Variants in ZNF175 observed in about 807,000 individuals in gnomAD.
ZNF175 encodes zinc finger protein OTK18.
A neutral mutation model predicts 14.0 loss-of-function variants in ZNF175; 8 were observed. The ratio of observed to expected loss-of-function variants is 0.57; its 90% CI spans 0.34 to 1.03. ZNF175 has a LOEUF of 1.03. Among genes scored for constraint, ZNF175 ranks in the 50% least tolerant of loss-of-function variants. The pLI is 0.03. For missense variants in ZNF175, 764 were observed against 849.5 expected (o/e 0.90, Z 1.25); for synonymous variants, 255 against 296.8 (o/e 0.86, Z 1.45).
Position 51,592,297 on chromosome 19 carries a change from T to G in ZNF175, c.*3830T>G. On this transcript the variant is annotated 3_prime_UTR_variant, in exon 5 of 5. Coordinates refer to ENST00000262259, the MANE Select transcript of ZNF175 (RefSeq NM_007147.4). ...CTCGCTAGTTTGGTGGCAAGCAACT[T>G]AACCTCTCTGCCTTAATTTCTCCAG... The G allele has an allele frequency of 4.1e-6, 1 of 243,056 alleles. No individual in the cohort carries two copies. The highest frequency in any genetic ancestry group is 7.9e-6 in the Non-Finnish European group (1 of 127,130). 15.1% of individuals were successfully genotyped at this position (243,056 alleles called of 1,614,324 possible).
At chr19:51,575,521 T>A (rs944866570) in intron 2 of ZNF175, among the ~76,000 whole-genome samples, 1 of 152,204 alleles carries the variant, frequency 6.6e-6, no homozygotes, top group African/African-American at 2.4e-5. Context: ...TTTTTGCATA[T>A]GTTTGTAAAT....
At chr19:51,584,493 T>C (rs1982107007) in intron 4 of ZNF175, among the ~76,000 whole-genome samples, 1 of 152,198 alleles carries the variant, frequency 6.6e-6, no homozygotes, top group Non-Finnish European at 1.5e-5. Flanking sequence ...GTAATTTAAG[T>C]GTTACCAGGT....
chr19:51,588,235 G>C lies in ZNF175; in HGVS notation c.1904G>C (p.Arg635Thr). The C allele has an allele frequency of 6.2e-7, 1 of 1,614,044 alleles. No individual in the cohort carries two copies. The highest frequency in any genetic ancestry group is 8.5e-7 in the Non-Finnish European group (1 of 1,179,978). The change falls in exon 5 of 5, where the codon AGA becomes ACA. Residue 635 changes from arginine (R) to threonine (T), a missense_variant. Transcript: ENST00000262259. ...AAATCAGAGTTGATTACCCATCAAA[G>C]AACTCACATGGGAGAGAAACCCTAT... Reference protein sequence around the residue: ...VQKSELITHQRTHMGEKPYEC... With the variant: ...VQKSELITHQTTHMGEKPYEC...
Position 51,571,284 on chromosome 19 carries a change from A to G in ZNF175, c.-372A>G, listed in dbSNP as rs3752132. On this transcript the variant is annotated 5_prime_UTR_variant, in exon 1 of 5. Coordinates refer to ENST00000262259, the MANE Select transcript of ZNF175 (RefSeq NM_007147.4). Reference sequence around the variant, plus strand: ...CCCAAACCGGAAGTGGCCTAGAGCGACCATTTAGCTTCTGTTGTTAAGTGG... The same window carrying G: ...CCCAAACCGGAAGTGGCCTAGAGCGGCCATTTAGCTTCTGTTGTTAAGTGG... 0.72 allele frequency: 110,107 copies of G among 152,136 alleles called. 40,461 individuals are homozygous for G. The highest frequency in any genetic ancestry group is 0.75 in the Middle Eastern group (221 of 294). 9.4% of individuals were successfully genotyped at this position (152,136 alleles called of 1,614,324 possible). A position where few individuals can be genotyped will look rare whatever the true frequency, so the allele number is the denominator to read the frequency against.
intron 4 of ZNF175, among the ~76,000 whole-genome samples, chr19:51,582,864 C>CT (rs1247365149): frequency 4.6e-5 from 7 of 151,636 alleles, no homozygotes; most frequent in South Asian, 2.1e-4. Flanking sequence ...GGCATCTTTT[C>CT]TTTTTTTTGA....
In ZNF175 at chr19:51,573,398, C is replaced by T. The variant is rs943991818; in HGVS notation, c.69C>T (p.Cys23=). The T allele has an allele frequency of 1.4e-5, 23 of 1,612,362 alleles. No homozygotes were observed. The highest frequency in any genetic ancestry group is 3.3e-4 in the Middle Eastern group (2 of 6,072). ...GTCCAGAGAAGCAGGATGGATCTTG[C>T]GAGGTAAACAGGGGCAGCCCTGGGG... The part of the protein sequence containing the change: ...VLGPEKQDGS[C]EASVSFEDVT... Residue 23 remains cysteine, a synonymous_variant, in exon 2 of 5, where the codon TGC becomes TGT. Coordinates refer to ENST00000262259, the MANE Select transcript of ZNF175 (RefSeq NM_007147.4).
chr19:51,586,494 C>T, intron 4 of ZNF175, 133 bp from the exon 5 acceptor site: 1 of 867,418 alleles, frequency 1.2e-6, no homozygotes, highest in Non-Finnish European at 1.7e-6. Flanking sequence ...TGTGTTTCTG[C>T]TCATTGTCAG....
At chr19:51,581,648 TC>T in intron 3 of ZNF175, 131 bp downstream of exon 3, 1 of 1,516,710 alleles carries the variant, frequency 6.6e-7, no homozygotes, top group Non-Finnish European at 8.8e-7. Context: ...ATTGTTTGTT[TC>T]TTTTGGGCAC....
chr19:51,575,159 A>G (rs944025904), intron 2 of ZNF175, among the ~76,000 whole-genome samples: 3 of 110,988 alleles, frequency 2.7e-5, no homozygotes, highest in African/African-American at 1.0e-4. Context: ...ACTTTTTCTT[A>G]CCTTTTGATT....
At chr19:51,577,293 C>A (rs1203167152) in intron 2 of ZNF175, among the ~76,000 whole-genome samples, 1 of 152,142 alleles carries the variant, frequency 6.6e-6, no homozygotes, top group African/African-American at 2.4e-5. Context: ...TACTTCCTTA[C>A]CACACACATA....
intron 4 of ZNF175, among the ~76,000 whole-genome samples, chr19:51,586,309 T>C (rs1393451031): frequency 6.6e-6 from 1 of 152,180 alleles, no homozygotes; most frequent in Non-Finnish European, 1.5e-5. Flanking sequence ...AAAGTGATCT[T>C]GGCCAATTAC....
In ZNF175 at chr19:51,586,820, CAAGAA is replaced by C; in HGVS notation, c.492_496del (p.Lys164AsnfsTer9). On this transcript the variant is annotated frameshift_variant, in exon 5 of 5. Transcript: ENST00000262259. LOFTEE classifies it low-confidence loss of function (END_TRUNC). ...CCATGAGTCACAGTGCTTTCTTCAA[CAAGAA>C]AACATTGAACACAGAAAGCAATTGT... The C allele has an allele frequency of 3.1e-6, 5 of 1,614,014 alleles. No individual in the cohort carries two copies. In the South Asian group the frequency reaches 3.3e-5, roughly 11 times the overall value.
At chr19:51,582,323 A>C (rs1168283780) in intron 4 of ZNF175, among the ~76,000 whole-genome samples, 1 of 152,066 alleles carries the variant, frequency 6.6e-6, no homozygotes, top group Non-Finnish European at 1.5e-5. Context: ...TTTGAGACAG[A>C]GTCTCACTCT....
intron 2 of ZNF175, among the ~76,000 whole-genome samples, chr19:51,577,201 G>C (rs1228712772): frequency 6.6e-6 from 1 of 152,144 alleles, no homozygotes; most frequent in Non-Finnish European, 1.5e-5. Flanking sequence ...AAAATGACTT[G>C]ATTTACCCTC....
chr19:51,581,794 C>T lies in ZNF175; in HGVS notation c.207C>T (p.His69=). 2 of 1,613,818 alleles carry T rather than the reference C, an allele frequency of 1.2e-6. No individual in the cohort carries two copies. Among genetic ancestry groups the T allele is most frequent in the South Asian group, 2.2e-5 (2 of 91,040 alleles). The part of the protein sequence containing the change: ...LYSHLFAVGY[H]IPNPEVIFRM... ...ATCCTTTCTAATTAACAGGGTATCA[C>T]ATTCCCAACCCAGAGGTCATCTTCA... The change falls in exon 4 of 5, where the codon CAC becomes CAT. Residue 69 remains histidine, a synonymous_variant. Coordinates refer to ENST00000262259, the MANE Select transcript of ZNF175 (RefSeq NM_007147.4).
intron 4 of ZNF175, among the ~76,000 whole-genome samples, chr19:51,584,046 G>A (rs1982094042): frequency 6.6e-6 from 1 of 152,202 alleles, no homozygotes; most frequent in African/African-American, 2.4e-5. Context: ...TTAAATATTT[G>A]CTGAGATAAA....
intron 2 of ZNF175, among the ~76,000 whole-genome samples, chr19:51,576,532 A>G (rs1981794723): frequency 6.6e-6 from 1 of 152,220 alleles, no homozygotes; most frequent in Non-Finnish European, 1.5e-5. Context: ...ACTGAGGCAC[A>G]GAATGAAATA....
In ZNF175 at chr19:51,573,200, C is replaced by T; in HGVS notation, c.-130C>T. 4.7e-6 allele frequency: 4 copies of T among 852,736 alleles called. No homozygotes were observed. The African/African-American group carries it at 6.9e-5, about 15-fold the overall frequency. The allele number at this position is 852,736 out of a possible 1,614,324, so 52.8% of individuals were successfully genotyped here. A position where few individuals can be genotyped will look rare whatever the true frequency, so the allele number is the denominator to read the frequency against. ...CCACATCATTGAGGCTGCAGGATCT[C>T]TCTTCATAGCCCAGTACGACTCTCC... On this transcript the variant is annotated 5_prime_UTR_variant, in exon 2 of 5. Transcript: ENST00000262259.
At chr19:51,574,528 T>G (rs1981707344) in intron 2 of ZNF175, among the ~76,000 whole-genome samples, 1 of 151,952 alleles carries the variant, frequency 6.6e-6, no homozygotes, top group Non-Finnish European at 1.5e-5. Context: ...ATTAGCCAGG[T>G]GTGGTGGCAT....
Sources: allele counts gnomAD v4.1 joint callset (sites outside exome capture counted in the v4.1 genomes callset), GRCh38; gene constraint gnomAD v4.1.1; transcripts MANE v1.5; gene names NCBI Gene and HGNC (gene_info 2026-07-23, HGNC 2026-07-21).